The following RPTOR variants were observed in gnomAD, a reference collection of about 807,000 sequenced individuals.
RPTOR encodes the protein regulatory associated protein of MTOR complex 1.
Under a neutral mutation model 169.9 loss-of-function variants are expected in RPTOR, and 21 were observed. The observed-to-expected ratio is 0.12, with a 90% CI of 0.09 to 0.18. The LOEUF (loss-of-function observed/expected upper bound fraction) is 0.18, where lower values mean the gene tolerates loss of function less well. Among genes scored for constraint, RPTOR ranks in the 10% least tolerant of loss-of-function variants. RPTOR has a pLI of 1.00. For missense variants in RPTOR, 1,133 were observed against 1,855.9 expected, an observed-to-expected ratio of 0.61 and a Z score of 7.16; for synonymous variants, 732 against 753.2, an observed-to-expected ratio of 0.97 and a Z score of 0.46.
rs139680646 is a variant in RPTOR at position 80,946,360 on chromosome 17, C to T, written c.3140+579C>T. Among the ~76,000 whole-genome samples the T allele has an allele frequency of 4.4e-3, 677 of 152,276 alleles. 7 individuals are homozygous for T. The highest frequency in any genetic ancestry group is 0.015 in the African/African-American group (611 of 41,558). On this transcript the variant is annotated intron_variant, in intron 26 of 33. Coordinates refer to ENST00000306801, the MANE Select transcript of RPTOR (RefSeq NM_020761.3). ...ATAGCCTAAAATTTGCCATTTTAAC[C>T]GTTCTGAGTGCGCAGCCAGTGGCAT...
At position 80,743,920 on chromosome 17, in the gene RPTOR, CTAGCAGAGCCCTGGT is replaced by C. The variant is rs2066523718; in HGVS notation, c.655-10087_655-10073del. On this transcript the variant is annotated intron_variant, in intron 5 of 33. Transcript: ENST00000306801. ...CTGGTTACGAGCACAGCCCTGGTTA[CTAGCAGAGCCCTGGT>C]TACTAGCACAGCCCTGGCTACTAGC... is the stretch of plus-strand genomic sequence containing the variant. Among the ~76,000 whole-genome samples the C allele has an allele frequency of 2.7e-5, 2 of 74,654 alleles. 1 individual carries two copies. Among genetic ancestry groups the C allele is most frequent in the Non-Finnish European group, 5.6e-5 (2 of 35,514 alleles). 49.0% of individuals were successfully genotyped at this position (74,654 alleles called of 152,430 possible).
chr17:80,928,879 G>T (rs1410541572), intron 24 of RPTOR, among the ~76,000 whole-genome samples: 1 of 152,200 alleles, frequency 6.6e-6, no homozygotes, highest in African/African-American at 2.4e-5. Flanking sequence ...CTACAAGGCT[G>T]TAGGGGCATG....
intron 14 of RPTOR, 68 bp downstream of exon 14, chr17:80,880,557 C>A: frequency 7.0e-7 from 1 of 1,429,262 alleles, no homozygotes; most frequent in Non-Finnish European, 9.9e-7. Flanking sequence ...ACACGCTGCA[C>A]TGCGGTGGGG....
intron 1 of RPTOR, among the ~76,000 whole-genome samples, chr17:80,595,874 G>T (rs2065141184): frequency 6.6e-6 from 1 of 152,136 alleles, no homozygotes; most frequent in South Asian, 2.1e-4. Flanking sequence ...TAGGAGTCTT[G>T]ACCGTCAACC....
At chr17:80,798,157 G>A (rs1010104086) in intron 7 of RPTOR, among the ~76,000 whole-genome samples, 3 of 152,208 alleles carry the variant, frequency 2.0e-5, no homozygotes, top group Non-Finnish European at 2.9e-5. Context: ...AATGTGCCCC[G>A]GGCAAGGGAG....
intron 20 of RPTOR, among the ~76,000 whole-genome samples, chr17:80,894,405 C>T (rs77282301): frequency 0.016 from 2,415 of 152,280 alleles, 78 homozygotes; most frequent in African/African-American, 0.055. Context: ...TGCTCACCTG[C>T]GGAATCTCCA....
intron 9 of RPTOR, among the ~76,000 whole-genome samples, chr17:80,829,066 TA>T (rs1429027510): frequency 2.0e-5 from 3 of 152,392 alleles, no homozygotes; most frequent in Non-Finnish European, 4.4e-5. Context: ...TTCTCCATTT[TA>T]AAAATTGATA....
chr17:80,583,699 G>A (rs9899563), intron 1 of RPTOR, among the ~76,000 whole-genome samples: 28,924 of 152,208 alleles, frequency 0.19, 3,032 homozygotes, highest in East Asian at 0.28. Context: ...TAACAAGGAC[G>A]TCTCTGGAAA....
At chr17:80,627,719 A>C (rs1432773953) in intron 2 of RPTOR, among the ~76,000 whole-genome samples, 1 of 151,724 alleles carries the variant, frequency 6.6e-6, no homozygotes, top group Non-Finnish European at 1.5e-5. Context: ...GGTTGTTTCT[A>C]GTTTTTGGCA....
intron 7 of RPTOR, among the ~76,000 whole-genome samples, chr17:80,808,747 C>G (rs1267295778): frequency 6.6e-6 from 1 of 152,176 alleles, no homozygotes; most frequent in Admixed American, 6.5e-5. Flanking sequence ...TTTGATGTTT[C>G]CAGAACTTTC....
Position 80,903,986 on chromosome 17 carries a change from A to G in RPTOR, c.2402-4825A>G, listed in dbSNP as rs573628804. Among the ~76,000 whole-genome samples, 8 of 152,372 alleles carry G rather than the reference A, an allele frequency of 5.3e-5. No homozygotes were observed. In the South Asian group the frequency reaches 1.7e-3, roughly 32 times the overall value. Reference sequence around the variant, plus strand: ...TCCAATGCTACAGGATTATGTTTTTAGGACAAAAGTCCTTAACTAAAGGCC... The same window carrying G: ...TCCAATGCTACAGGATTATGTTTTTGGGACAAAAGTCCTTAACTAAAGGCC... On this transcript the variant is annotated intron_variant, in intron 20 of 33. Coordinates refer to ENST00000306801, the MANE Select transcript of RPTOR (RefSeq NM_020761.3).
chr17:80,810,477 T>C (rs2143573327), intron 7 of RPTOR, among the ~76,000 whole-genome samples: 1 of 152,320 alleles, frequency 6.6e-6, no homozygotes, highest in Admixed American at 6.5e-5. Context: ...TCTATTCTAT[T>C]CTCTTGATCT....
chr17:80,665,135 T>A (rs1334325653), intron 3 of RPTOR, among the ~76,000 whole-genome samples: 1 of 152,038 alleles, frequency 6.6e-6, no homozygotes, highest in South Asian at 2.1e-4. Context: ...GTGCGGTGGC[T>A]CCTCCCACCT....
At chr17:80,694,075 G>A (rs544255321) in intron 3 of RPTOR, among the ~76,000 whole-genome samples, 4 of 152,382 alleles carry the variant, frequency 2.6e-5, no homozygotes, top group East Asian at 3.9e-4. Context: ...TCAAGAATGC[G>A]AGCTGAAGAT....
intron 24 of RPTOR, among the ~76,000 whole-genome samples, chr17:80,928,673 C>T (rs1041935031): frequency 2.4e-4 from 37 of 152,300 alleles, no homozygotes; most frequent in African/African-American, 7.9e-4. Flanking sequence ...GGTGAAGCAA[C>T]CTCCTTTCTT....
At chr17:80,786,071 A>G (rs1286420598) in intron 6 of RPTOR, among the ~76,000 whole-genome samples, 6 of 152,182 alleles carry the variant, frequency 3.9e-5, no homozygotes, top group Non-Finnish European at 7.4e-5. Context: ...GGATGACTGT[A>G]TATGCCCGGA....
At chr17:80,908,782 C>G in intron 20 of RPTOR, 29 bp from the exon 21 acceptor site, 1 of 1,555,758 alleles carries the variant, frequency 6.4e-7, no homozygotes, top group South Asian at 1.1e-5. Flanking sequence ...CTACTTTCCA[C>G]TAAAACATCT....
At chr17:80,863,303 A>G (rs546230533) in intron 13 of RPTOR, among the ~76,000 whole-genome samples, 5 of 152,078 alleles carry the variant, frequency 3.3e-5, no homozygotes, top group African/African-American at 1.2e-4. Flanking sequence ...CTCCCCCAGC[A>G]TCACTCCCCA....
At chr17:80,757,044 C>T (rs946071767) in intron 6 of RPTOR, among the ~76,000 whole-genome samples, 1 of 152,048 alleles carries the variant, frequency 6.6e-6, no homozygotes, top group African/African-American at 2.4e-5. Flanking sequence ...AAATGAATGG[C>T]CTGGAAGACT....
Sources: allele counts gnomAD v4.1 joint callset (sites outside exome capture counted in the v4.1 genomes callset), GRCh38; gene constraint gnomAD v4.1.1; transcripts MANE v1.5; gene names NCBI Gene and HGNC (gene_info 2026-07-23, HGNC 2026-07-21).